The following DZANK1 variants were observed in gnomAD, a reference collection of about 807,000 sequenced individuals.
DZANK1 encodes double zinc ribbon and ankyrin repeat-containing protein 1.
Under a neutral mutation model 94.5 loss-of-function variants are expected in DZANK1, and 91 were observed. That is an observed-to-expected ratio of 0.96 (90% CI 0.81 to 1.15). The LOEUF is 1.15. Ranked by LOEUF, DZANK1 falls within the 50% of genes most tolerant of loss-of-function variation. The pLI is 0.00. For missense variants in DZANK1, 903 were observed against 916.4 expected (o/e 0.99, Z 0.19); for synonymous variants, 312 against 325.3 (o/e 0.96, Z 0.44).
Position 18,460,326 on chromosome 20 carries a change from A to T in DZANK1, c.110-20T>A, listed in dbSNP as rs768633299. 6.7e-7 allele frequency: 1 copy of T among 1,490,162 alleles called. No individual in the cohort carries two copies. Among genetic ancestry groups the T allele is most frequent in the Non-Finnish European group, 9.1e-7 (1 of 1,102,308 alleles). 92.3% of individuals were successfully genotyped at this position (1,490,162 alleles called of 1,614,324 possible). A position where few individuals can be genotyped will look rare whatever the true frequency, so the allele number is the denominator to read the frequency against. On this transcript the variant is annotated intron_variant, in intron 2 of 20. Coordinates refer to ENST00000262547, the Ensembl canonical transcript of DZANK1. ...GAGTGTCTGAAAAATCCAAAACAGG[A>T]TAACTATAATTAACACCAAAGTAGC... is the stretch of plus-strand genomic sequence containing the variant.
intron 10 of DZANK1, among the ~76,000 whole-genome samples, chr20:18,425,379 C>T (rs987011712): frequency 6.6e-6 from 1 of 152,040 alleles, no homozygotes; most frequent in African/African-American, 2.4e-5. Flanking sequence ...GGTGAAACCC[C>T]GTTTCTACTA....
chr20:18,432,598 A>G (rs1445599989), intron 9 of DZANK1: 1 of 152,238 alleles, frequency 6.6e-6, no homozygotes, highest in Non-Finnish European at 1.5e-5. Context: ...AAGGTGAAAG[A>G]AAAAGTGGAT....
chr20:18,410,874 C>G (rs1330465521), intron 13 of DZANK1, among the ~76,000 whole-genome samples: 1 of 152,158 alleles, frequency 6.6e-6, no homozygotes, highest in African/African-American at 2.4e-5. Context: ...TCACTTGAAC[C>G]CAGGAGGTCA....
chr20:18,421,916 C>A lies in DZANK1; in HGVS notation c.954+5151G>T, dbSNP rs150433347. ...CATTTTTAATGGCATTATTTGTTTACTTACTATTGAGTTGTTTGAGTTCCT... is the reference window on the plus strand; with the variant it reads ...CATTTTTAATGGCATTATTTGTTTAATTACTATTGAGTTGTTTGAGTTCCT... On this transcript the variant is annotated intron_variant, in intron 10 of 20. Coordinates refer to ENST00000262547, the Ensembl canonical transcript of DZANK1. 2.4e-3 allele frequency among the ~76,000 whole-genome samples: 361 copies of A among 152,278 alleles called. 5 individuals carry two copies. Among genetic ancestry groups the A allele is most frequent in the Admixed American group, 0.02 (304 of 15,292 alleles).
At chr20:18,400,926 T>G (rs569453376) in intron 13 of DZANK1, among the ~76,000 whole-genome samples, 1 of 152,214 alleles carries the variant, frequency 6.6e-6, no homozygotes, top group Non-Finnish European at 1.5e-5. Flanking sequence ...GAAGCTACAA[T>G]ACAATAGATC....
chr20:18,408,310 C>T (rs537565271), intron 13 of DZANK1, among the ~76,000 whole-genome samples: 12 of 151,948 alleles, frequency 7.9e-5, no homozygotes, highest in Admixed American at 3.9e-4. Flanking sequence ...AGTGAGACTC[C>T]GTCTCAAAAA....
intron 10 of DZANK1, among the ~76,000 whole-genome samples, chr20:18,417,302 A>C (rs1257203669): frequency 6.6e-6 from 1 of 152,248 alleles, no homozygotes; most frequent in African/African-American, 2.4e-5. Flanking sequence ...ACAGTTAACA[A>C]AATCAATTTA....
chr20:18,432,733 C>T (rs1391310425), intron 9 of DZANK1: 1 of 152,274 alleles, frequency 6.6e-6, no homozygotes, highest in East Asian at 1.9e-4. Flanking sequence ...TTTAATCCCC[C>T]AAATTCCCTC....
chr20:18,412,248 A>C (rs2057294699), intron 13 of DZANK1, among the ~76,000 whole-genome samples: 1 of 152,218 alleles, frequency 6.6e-6, no homozygotes, highest in Admixed American at 6.5e-5. Context: ...GGCATGAGTC[A>C]CCACAACTGG....
intron 7 of DZANK1, among the ~76,000 whole-genome samples, chr20:18,448,262 G>A (rs187870875): frequency 1.5e-4 from 23 of 152,302 alleles, no homozygotes; most frequent in Admixed American, 1.1e-3. Context: ...AAATAGTTAC[G>A]CTGAGTGAAA....
chr20:18,437,321 G>A (rs906455715), intron 8 of DZANK1, among the ~76,000 whole-genome samples: 2 of 152,208 alleles, frequency 1.3e-5, no homozygotes, highest in Non-Finnish European at 2.9e-5. Context: ...GCTCACACTT[G>A]TAATTCCAGC....
intron 8 of DZANK1, among the ~76,000 whole-genome samples, chr20:18,439,437 T>C (rs1450224103): frequency 6.6e-6 from 1 of 152,222 alleles, no homozygotes; most frequent in Non-Finnish European, 1.5e-5. Context: ...TTTAGCTACA[T>C]GACCTAGCAT....
intron 17 of DZANK1, among the ~76,000 whole-genome samples, chr20:18,390,962 A>G (rs540932494): frequency 9.8e-5 from 15 of 152,300 alleles, no homozygotes; most frequent in African/African-American, 2.9e-4. Context: ...TTGGGAGGCC[A>G]AGGCATGCAG....
intron 6 of DZANK1, chr20:18,451,828 T>C (rs1441884201): frequency 3.9e-6 from 2 of 515,674 alleles, no homozygotes; most frequent in Admixed American, 3.9e-5. Context: ...TCTACAACCT[T>C]GGTCCAAGTC....
At chr20:18,401,311 G>A (rs1411837382) in intron 13 of DZANK1, among the ~76,000 whole-genome samples, 1 of 152,148 alleles carries the variant, frequency 6.6e-6, no homozygotes, top group Non-Finnish European at 1.5e-5. Context: ...GAAGTCCTTT[G>A]GAAAGGGTCA....
exon 14 of DZANK1, chr20:18,398,537 G>A (rs1341310664): frequency 6.2e-7 from 1 of 1,613,958 alleles, no homozygotes; most frequent in East Asian, 2.2e-5. Flanking sequence ...CCCATCCTGG[G>A]TTCTGCAATC....
At chr20:18,459,412 G>C (rs115952444) in intron 3 of DZANK1, among the ~76,000 whole-genome samples, 1 of 152,112 alleles carries the variant, frequency 6.6e-6, no homozygotes, top group Non-Finnish European at 1.5e-5. Context: ...GTCAGTGGGG[G>C]GTGGGGCTAG....
chr20:18,465,378 CTCTA>C lies in DZANK1; in HGVS notation c.-19-5_-19-2del, dbSNP rs1175133556. On this transcript the variant is annotated splice_acceptor_variant and splice_polypyrimidine_tract_variant and intron_variant, in intron 1 of 20. Coordinates refer to ENST00000262547, the Ensembl canonical transcript of DZANK1. LOFTEE classifies it low-confidence loss of function (5UTR_SPLICE). ...AGTCATTTTCTCTCTCTCTCTCTCT[CTCTA>C]TATATATATACATATAAATTCCAAT... is the stretch of plus-strand genomic sequence containing the variant. 5 of 1,207,238 alleles carry C rather than the reference CTCTA, an allele frequency of 4.1e-6. No individual in the cohort carries two copies. The highest frequency in any genetic ancestry group is 5.4e-5 in the East Asian group (2 of 37,170). The allele number at this position is 1,207,238 out of a possible 1,614,324, so 74.8% of individuals were successfully genotyped here.
intron 10 of DZANK1, 74 bp downstream of exon 10, chr20:18,426,993 T>G (rs2058072245): frequency 8.7e-7 from 1 of 1,149,616 alleles, no homozygotes; most frequent in Admixed American, 2.4e-5. Flanking sequence ...CCTCGGCAGA[T>G]TCTGTTTCTC....
Sources: gnomAD v4.1 joint callset for allele counts (sites outside exome capture counted in the v4.1 genomes callset) on GRCh38, gnomAD v4.1.1 for gene constraint, MANE v1.5 for transcripts, NCBI Gene and HGNC (gene_info 2026-07-23, HGNC 2026-07-21) for gene names.